Variants in CCDC91 observed in about 807,000 individuals in gnomAD.
CCDC91 encodes coiled-coil domain containing 91.
Under a neutral mutation model 63.2 loss-of-function variants are expected in CCDC91, and 48 were observed. The ratio of observed to expected loss-of-function variants is 0.76; its 90% CI spans 0.60 to 0.97. The LOEUF (loss-of-function observed/expected upper bound fraction) is 0.97. Among genes scored for constraint, CCDC91 ranks in the 50% least tolerant of loss-of-function variants. The probability of loss-of-function intolerance (pLI) is 0.00; values close to 1 mark genes in which losing one functional copy is unlikely to be tolerated. For synonymous variants in CCDC91, 167 were observed against 165.8 expected, an observed-to-expected ratio of 1.01 and a Z score of -0.06; for missense variants, 500 against 494.6, an observed-to-expected ratio of 1.01 and a Z score of -0.10.
intron 8 of CCDC91, among the ~76,000 whole-genome samples, chr12:28,406,062 T>A (rs1193774738): frequency 6.6e-6 from 1 of 152,128 alleles, no homozygotes; most frequent in Non-Finnish European, 1.5e-5. Context: ...ATCAGCCAGC[T>A]AGCTCAGCCC....
intron 7 of CCDC91, among the ~76,000 whole-genome samples, chr12:28,380,158 A>G (rs1401608125): frequency 6.6e-6 from 1 of 151,832 alleles, no homozygotes; most frequent in African/African-American, 2.4e-5. Flanking sequence ...GGAACATCAC[A>G]CACCAGGGCC....
intron 11 of CCDC91, among the ~76,000 whole-genome samples, chr12:28,478,093 C>G (rs568314525): frequency 6.6e-6 from 1 of 152,188 alleles, no homozygotes; most frequent in South Asian, 2.1e-4. Context: ...ACTTTCTTCA[C>G]AGAATTGGAA....
chr12:28,267,936 TTA>T (rs1277605611), intron 3 of CCDC91, among the ~76,000 whole-genome samples: 3 of 104,686 alleles, frequency 2.9e-5, no homozygotes, highest in African/African-American at 3.9e-5. Context: ...TTATATATAA[TTA>T]TATATAATTA....
chr12:28,529,026 T>C (rs1366475641), intron 12 of CCDC91, among the ~76,000 whole-genome samples: 10 of 151,936 alleles, frequency 6.6e-5, no homozygotes, highest in Admixed American at 6.6e-4. Context: ...TATGTATGTA[T>C]ATATATATAA....
At chr12:28,463,271 A>G (rs1382155159) in intron 11 of CCDC91, among the ~76,000 whole-genome samples, 4 of 152,228 alleles carry the variant, frequency 2.6e-5, no homozygotes, top group African/African-American at 9.6e-5. Flanking sequence ...GACAAATCGA[A>G]ATGTTTTTTG....
intron 3 of CCDC91, among the ~76,000 whole-genome samples, chr12:28,301,064 A>G (rs1261609934): frequency 1.3e-5 from 2 of 151,362 alleles, no homozygotes; most frequent in African/African-American, 4.8e-5. Flanking sequence ...GTGCTATTTC[A>G]TTTCTCTTGT....
chr12:28,210,328 A>G (rs1943145121), intron 1 of CCDC91, among the ~76,000 whole-genome samples: 1 of 152,230 alleles, frequency 6.6e-6, no homozygotes, highest in African/African-American at 2.4e-5. Flanking sequence ...TTGAACTAAA[A>G]GGCATTACAG....
At chr12:28,294,902 A>G (rs539292471) in intron 3 of CCDC91, among the ~76,000 whole-genome samples, 31 of 152,150 alleles carry the variant, frequency 2.0e-4, no homozygotes, top group Non-Finnish European at 4.4e-4. Context: ...GCTTCTTTAT[A>G]CATTACTCAG....
intron 6 of CCDC91, among the ~76,000 whole-genome samples, chr12:28,308,077 A>T (rs1938932251): frequency 6.6e-6 from 1 of 152,036 alleles, no homozygotes; most frequent in African/African-American, 2.4e-5. Context: ...TGTAATCCAG[A>T]ACTGAGACAC....
chr12:28,354,655 C>T (rs1303241287), intron 6 of CCDC91, among the ~76,000 whole-genome samples: 1 of 152,072 alleles, frequency 6.6e-6, no homozygotes, highest in African/African-American at 2.4e-5. Flanking sequence ...CAGCCATATT[C>T]CTTTTTTTGA....
Position 28,502,188 on chromosome 12 carries a change from G to T in CCDC91, c.1215+18023G>T, listed in dbSNP as rs187444466. On this transcript the variant is annotated intron_variant, in intron 12 of 12. Transcript: ENST00000536442. ...GATTGTATATCTAGAAAACCCCATT[G>T]TCTCAGCCCAAAGTCTCCTTAAGCT... Among the ~76,000 whole-genome samples the T allele has an allele frequency of 1.3e-3, 201 of 151,812 alleles. 2 individuals carry two copies. The highest frequency in any genetic ancestry group is 0.013 in the Admixed American group (191 of 15,194).
At chr12:28,496,533 G>A (rs1273775845) in intron 12 of CCDC91, among the ~76,000 whole-genome samples, 2 of 151,504 alleles carry the variant, frequency 1.3e-5, no homozygotes, top group African/African-American at 4.8e-5. Flanking sequence ...ATTACAAATG[G>A]CCACTACATT....
At chr12:28,476,879 A>G (rs1951128079) in intron 11 of CCDC91, among the ~76,000 whole-genome samples, 1 of 152,208 alleles carries the variant, frequency 6.6e-6, no homozygotes, top group Admixed American at 6.5e-5. Context: ...GAAGAAATGG[A>G]TAAATTCCTG....
intron 12 of CCDC91, among the ~76,000 whole-genome samples, chr12:28,546,561 T>C (rs1943001091): frequency 6.6e-6 from 1 of 152,078 alleles, no homozygotes; most frequent in Admixed American, 6.6e-5. Flanking sequence ...TCATACAATT[T>C]CCACAAGCTA....
intron 3 of CCDC91, among the ~76,000 whole-genome samples, chr12:28,297,977 G>A (rs1339259556): frequency 6.6e-6 from 1 of 151,556 alleles, no homozygotes; most frequent in Non-Finnish European, 1.5e-5. Context: ...TTCTTCTAAG[G>A]GTTGAATGTT....
intron 11 of CCDC91, among the ~76,000 whole-genome samples, chr12:28,466,238 C>A (rs1950544040): frequency 6.6e-6 from 1 of 152,020 alleles, no homozygotes; most frequent in Non-Finnish European, 1.5e-5. Flanking sequence ...AGGGGCAAAC[C>A]TAAGAGTTAT....
At chr12:28,282,385 C>T (rs1004931613) in intron 3 of CCDC91, among the ~76,000 whole-genome samples, 1 of 152,114 alleles carries the variant, frequency 6.6e-6, no homozygotes, top group African/African-American at 2.4e-5. Context: ...TCCTGACTTA[C>T]TTCACTTAGA....
chr12:28,465,180 G>C (rs1329954674), intron 11 of CCDC91, among the ~76,000 whole-genome samples: 2 of 152,182 alleles, frequency 1.3e-5, no homozygotes, highest in African/African-American at 4.8e-5. Context: ...TTGAGTTCCA[G>C]CTCAGCCATA....
At chr12:28,254,738 A>G (rs530147715) in intron 1 of CCDC91, among the ~76,000 whole-genome samples, 24 of 146,162 alleles carry the variant, frequency 1.6e-4, no homozygotes, top group South Asian at 6.5e-4. Flanking sequence ...ACGTATTAAT[A>G]TTTCTTTGAA....
Sources: gnomAD v4.1 joint callset for allele counts (sites outside exome capture counted in the v4.1 genomes callset) on GRCh38, gnomAD v4.1.1 for gene constraint, MANE v1.5 for transcripts, NCBI Gene and HGNC (gene_info 2026-07-23, HGNC 2026-07-21) for gene names.